Variants in PRRC2B observed in about 807,000 individuals in gnomAD.
The protein encoded by PRRC2B is protein PRRC2B.
In PRRC2B, 68 loss-of-function variants were observed where a neutral mutation model predicts 242.3. That is an observed-to-expected ratio of 0.28 (90% CI 0.23 to 0.34). The LOEUF is 0.34. Ranked by LOEUF, PRRC2B falls within the 10% of genes least tolerant of loss-of-function variation. The pLI, the probability that PRRC2B is intolerant of heterozygous loss-of-function variation, is 1.00. For synonymous variants in PRRC2B, 1,228 were observed against 1,173.6 expected (o/e 1.05, Z -0.95); for missense variants, 2,835 against 2,954.8 (o/e 0.96, Z 0.94).
chr9:131,466,550 A>G (rs911071323), intron 12 of PRRC2B, among the ~76,000 whole-genome samples: 1 of 151,374 alleles, frequency 6.6e-6, no homozygotes, highest in African/African-American at 2.4e-5. Flanking sequence ...CAGCATTTCC[A>G]TATGTTGAGT....
At chr9:131,429,988 T>C (rs1838079798) in intron 1 of PRRC2B, 106 bp from the exon 2 acceptor site, 8 of 608,324 alleles carry the variant, frequency 1.3e-5, no homozygotes, top group South Asian at 6.2e-5. Flanking sequence ...AGGAGATCCA[T>C]GATTCGTGAA....
intron 1 of PRRC2B, among the ~76,000 whole-genome samples, chr9:131,413,847 T>C (rs1350584417): frequency 6.6e-6 from 1 of 152,008 alleles, no homozygotes; most frequent in African/African-American, 2.4e-5. Context: ...AATTTTTGTA[T>C]TTTTAGTAGA....
intron 5 of PRRC2B, among the ~76,000 whole-genome samples, chr9:131,442,476 A>G (rs577311771): frequency 6.6e-6 from 1 of 152,144 alleles, no homozygotes; most frequent in East Asian, 1.9e-4. Context: ...CTTAGAGTCC[A>G]TCTCTGGCTG....
intron 1 of PRRC2B, among the ~76,000 whole-genome samples, chr9:131,417,818 C>T (rs1837698262): frequency 6.6e-6 from 1 of 152,132 alleles, no homozygotes; most frequent in African/African-American, 2.4e-5. Context: ...GCGTGCACAG[C>T]CCTCTTTATG....
At chr9:131,424,654 C>G (rs1049185926) in intron 1 of PRRC2B, among the ~76,000 whole-genome samples, 2 of 151,990 alleles carry the variant, frequency 1.3e-5, no homozygotes, top group Non-Finnish European at 2.9e-5. Flanking sequence ...CCACTGCACT[C>G]CAGCCCGGGC....
chr9:131,485,953 C>A, intron 25 of PRRC2B, 132 bp from the exon 26 acceptor site: 1 of 720,942 alleles, frequency 1.4e-6, no homozygotes. Context: ...AACCTAGCAG[C>A]CTCTGTACAC....
At chr9:131,439,591 A>G (rs1168384044) in intron 5 of PRRC2B, among the ~76,000 whole-genome samples, 4 of 152,196 alleles carry the variant, frequency 2.6e-5, no homozygotes, top group Non-Finnish European at 4.4e-5. Context: ...AACCAGCTGC[A>G]CATCCTTCGT....
At chr9:131,406,052 A>G (rs1467345671) in intron 1 of PRRC2B, among the ~76,000 whole-genome samples, 1 of 152,198 alleles carries the variant, frequency 6.6e-6, no homozygotes, top group Non-Finnish European at 1.5e-5. Flanking sequence ...CAGGCTCTCC[A>G]TAGACCGCAG....
chr9:131,428,690 C>T (rs1838039723), intron 1 of PRRC2B, among the ~76,000 whole-genome samples: 1 of 152,068 alleles, frequency 6.6e-6, no homozygotes, highest in African/African-American at 2.4e-5. Flanking sequence ...AACCACCATG[C>T]CCGGCCTATT....
At chr9:131,441,559 C>G (rs1301931440) in intron 5 of PRRC2B, among the ~76,000 whole-genome samples, 1 of 152,140 alleles carries the variant, frequency 6.6e-6, no homozygotes, top group African/African-American at 2.4e-5. Flanking sequence ...AAAATAATTG[C>G]AGGCAGAAAC....
chr9:131,464,128 G>A (rs890904892), intron 11 of PRRC2B, among the ~76,000 whole-genome samples: 10 of 151,766 alleles, frequency 6.6e-5, no homozygotes, highest in African/African-American at 2.4e-4. Context: ...TTTTAGTAGA[G>A]ACGGTGTTTC....
At chr9:131,460,756 TC>T (rs1005457299) in intron 11 of PRRC2B, among the ~76,000 whole-genome samples, 2 of 152,214 alleles carry the variant, frequency 1.3e-5, no homozygotes, top group African/African-American at 4.8e-5. Flanking sequence ...CTGTTCTCCA[TC>T]CTTTTTGGAG....
chr9:131,430,553 G>A (rs1382415298), intron 2 of PRRC2B, among the ~76,000 whole-genome samples: 2 of 84,508 alleles, frequency 2.4e-5, no homozygotes, highest in South Asian at 5.2e-4. Context: ...ATCTATAGGT[G>A]TGTGTGTATG....
chr9:131,435,324 C>G (rs551232567), intron 3 of PRRC2B, among the ~76,000 whole-genome samples: 3 of 142,434 alleles, frequency 2.1e-5, no homozygotes, highest in Non-Finnish European at 4.6e-5. Context: ...AAAAAAAGTT[C>G]TTATTGTAGG....
chr9:131,395,474 C>G, intron 1 of PRRC2B, among the ~76,000 whole-genome samples: 1 of 152,134 alleles, frequency 6.6e-6, no homozygotes, highest in East Asian at 1.9e-4. Flanking sequence ...CTGCTTCTTT[C>G]TTCCGTAAAC....
intron 30 of PRRC2B, 131 bp downstream of exon 30, chr9:131,492,391 C>T (rs1027485441): frequency 3.0e-6 from 2 of 668,168 alleles, no homozygotes; most frequent in African/African-American, 1.8e-5. Flanking sequence ...CCATGTGTCA[C>T]TGTGGTGTTT....
chr9:131,461,787 A>G (rs1943249501), intron 11 of PRRC2B, among the ~76,000 whole-genome samples: 1 of 152,184 alleles, frequency 6.6e-6, no homozygotes, highest in Non-Finnish European at 1.5e-5. Context: ...TTGGCCTCCC[A>G]AAGTACTGGG....
At chr9:131,463,599 G>A (rs1038139073) in intron 11 of PRRC2B, among the ~76,000 whole-genome samples, 1 of 145,436 alleles carries the variant, frequency 6.9e-6, no homozygotes, top group Non-Finnish European at 1.5e-5. Context: ...AACGGATAAA[G>A]AATCCAAAAG....
intron 2 of PRRC2B, among the ~76,000 whole-genome samples, chr9:131,430,504 G>T (rs1015843703): frequency 1.9e-5 from 1 of 53,012 alleles, no homozygotes; most frequent in African/African-American, 5.0e-5. Flanking sequence ...TATATCTATA[G>T]ATATCTATAG....
Sources: gnomAD v4.1 joint callset for allele counts (sites outside exome capture counted in the v4.1 genomes callset) on GRCh38, gnomAD v4.1.1 for gene constraint, MANE v1.5 for transcripts, NCBI Gene and HGNC (gene_info 2026-07-23, HGNC 2026-07-21) for gene names.